Variants in INVS observed in about 807,000 individuals in gnomAD.
The protein encoded by INVS is inversin, also known as inversion of embryo turning homolog.
In INVS, 86 loss-of-function variants were observed where a neutral mutation model predicts 108.8. The observed-to-expected ratio is 0.79, with a 90% CI of 0.66 to 0.95. The LOEUF (loss-of-function observed/expected upper bound fraction) is 0.95. Among genes scored for constraint, INVS ranks in the 40% least tolerant of loss-of-function variants. The probability of loss-of-function intolerance (pLI) is 0.00; values close to 1 mark genes in which losing one functional copy is unlikely to be tolerated. For missense variants in INVS, 1,169 were observed against 1,297.4 expected (o/e 0.90, Z 1.52); for synonymous variants, 455 against 473.5 (o/e 0.96, Z 0.51).
At chr9:100,262,416 A>G (rs1832654595) in intron 10 of INVS, among the ~76,000 whole-genome samples, 1 of 152,040 alleles carries the variant, frequency 6.6e-6, no homozygotes, top group Non-Finnish European at 1.5e-5. Context: ...CAGATTTTCT[A>G]ATTATTTTTC....
chr9:100,258,590 G>A (rs895881563), intron 10 of INVS, among the ~76,000 whole-genome samples: 1 of 152,178 alleles, frequency 6.6e-6, no homozygotes, highest in Non-Finnish European at 1.5e-5. Context: ...GTACAGATGG[G>A]ATTTTGGTGT....
intron 3 of INVS, among the ~76,000 whole-genome samples, chr9:100,193,685 C>A (rs963399800): frequency 2.6e-5 from 4 of 152,126 alleles, no homozygotes; most frequent in South Asian, 2.1e-4. Context: ...TAAGTGAAAT[C>A]ATATAAAACT....
intron 3 of INVS, among the ~76,000 whole-genome samples, chr9:100,173,263 T>C (rs956146381): frequency 6.6e-6 from 1 of 152,132 alleles, no homozygotes; most frequent in Non-Finnish European, 1.5e-5. Flanking sequence ...AGAAATTGCA[T>C]TGTAATCAGC....
intron 3 of INVS, chr9:100,130,837 A>C (rs1276635435): frequency 6.6e-6 from 1 of 152,180 alleles, no homozygotes; most frequent in Non-Finnish European, 1.5e-5. Context: ...CCTGCTCTTA[A>C]GTTGCTTACA....
intron 3 of INVS, among the ~76,000 whole-genome samples, chr9:100,187,899 GT>G (rs1200009753): frequency 6.6e-6 from 1 of 152,094 alleles, no homozygotes; most frequent in Non-Finnish European, 1.5e-5. Flanking sequence ...TATATTCCCA[GT>G]TTTTTGTTTT....
At chr9:100,185,853 A>G (rs1003087190) in intron 3 of INVS, among the ~76,000 whole-genome samples, 5 of 151,932 alleles carry the variant, frequency 3.3e-5, no homozygotes, top group African/African-American at 4.8e-5. Context: ...GGCCTCCTCC[A>G]TCCAAGTTGC....
chr9:100,287,748 G>A (rs576889851), intron 13 of INVS, among the ~76,000 whole-genome samples: 13 of 152,322 alleles, frequency 8.5e-5, no homozygotes, highest in African/African-American at 3.1e-4. Context: ...TGTTAGGCCT[G>A]TGGAACTGTG....
At chr9:100,249,031 G>A (rs2787391) in intron 8 of INVS, among the ~76,000 whole-genome samples, 44,654 of 151,894 alleles carry the variant, frequency 0.29, 7,570 homozygotes, top group Non-Finnish European at 0.39. Context: ...TAAGGCAGAT[G>A]AAAGCATCAT....
At chr9:100,185,984 C>T (rs1830045390) in intron 3 of INVS, among the ~76,000 whole-genome samples, 1 of 152,098 alleles carries the variant, frequency 6.6e-6, no homozygotes, top group African/African-American at 2.4e-5. Context: ...ATCTTTGCAA[C>T]TGTGAATTGT....
intron 14 of INVS, among the ~76,000 whole-genome samples, chr9:100,296,386 T>TCGTC (rs1833791863): frequency 6.6e-6 from 1 of 152,196 alleles, no homozygotes; most frequent in African/African-American, 2.4e-5. Flanking sequence ...CTCATACCTT[T>TCGTC]ACCACTCTAA....
chr9:100,161,169 A>AG (rs1829163121), intron 3 of INVS, among the ~76,000 whole-genome samples: 1 of 151,580 alleles, frequency 6.6e-6, no homozygotes, highest in African/African-American at 2.4e-5. Context: ...TGCAATAAGG[A>AG]GTTTCAGACC....
chr9:100,256,540 C>G (rs969592141), intron 10 of INVS, among the ~76,000 whole-genome samples: 1 of 152,174 alleles, frequency 6.6e-6, no homozygotes, highest in Non-Finnish European at 1.5e-5. Flanking sequence ...CCTGCTTTCT[C>G]TTGTGGGCAT....
intron 3 of INVS, among the ~76,000 whole-genome samples, chr9:100,207,918 A>G (rs1418632066): frequency 6.6e-6 from 1 of 152,248 alleles, no homozygotes; most frequent in African/African-American, 2.4e-5. Context: ...TGAGGGAGAT[A>G]CTAAAATATT....
intron 3 of INVS, among the ~76,000 whole-genome samples, chr9:100,138,201 T>A (rs1406725655): frequency 6.6e-6 from 1 of 151,786 alleles, no homozygotes; most frequent in East Asian, 1.9e-4. Flanking sequence ...AGGTGAGGAG[T>A]TCGAGACCAG....
chr9:100,221,305 A>ATT (rs67905235), intron 3 of INVS, among the ~76,000 whole-genome samples: 24,941 of 145,338 alleles, frequency 0.17, 3,135 homozygotes, highest in African/African-American at 0.36. Context: ...ATACAGGACA[A>ATT]TTTTTTTTTT....
chr9:100,256,799 G>A (rs550416229), intron 10 of INVS, among the ~76,000 whole-genome samples: 1 of 152,264 alleles, frequency 6.6e-6, no homozygotes, highest in Admixed American at 6.5e-5. Context: ...TGTAATTTCT[G>A]TTCTTTTACA....
At chr9:100,111,672 T>A (rs1272361427) in intron 2 of INVS, among the ~76,000 whole-genome samples, 1 of 152,266 alleles carries the variant, frequency 6.6e-6, no homozygotes, top group African/African-American at 2.4e-5. Context: ...GCTCTACGTT[T>A]GTACAACATG....
intron 12 of INVS, among the ~76,000 whole-genome samples, chr9:100,280,876 C>T (rs1344253202): frequency 6.6e-6 from 1 of 152,030 alleles, no homozygotes; most frequent in Non-Finnish European, 1.5e-5. Context: ...TCACTTGAGG[C>T]CAGGAGTTGA....
chr9:100,282,549 G>A (rs1434188440), intron 12 of INVS, among the ~76,000 whole-genome samples: 1 of 152,230 alleles, frequency 6.6e-6, no homozygotes, highest in Non-Finnish European at 1.5e-5. Flanking sequence ...CCAGATGTAT[G>A]TCAGCTGGGG....
Sources: gnomAD v4.1 joint callset for allele counts (sites outside exome capture counted in the v4.1 genomes callset) on GRCh38, gnomAD v4.1.1 for gene constraint, MANE v1.5 for transcripts, NCBI Gene and HGNC (gene_info 2026-07-23, HGNC 2026-07-21) for gene names.